Variants in OSMR observed in about 807,000 individuals in gnomAD.
OSMR encodes the protein oncostatin-M-specific receptor subunit beta.
OSMR carries 81 observed loss-of-function variants against 99.9 expected under a neutral mutation model. The observed-to-expected ratio is 0.81, with a 90% CI of 0.68 to 0.97. The LOEUF is 0.97. Among genes scored for constraint, OSMR ranks in the 50% least tolerant of loss-of-function variants. The pLI is 0.00. For missense variants in OSMR, 1,099 were observed against 1,153.4 expected (o/e 0.95, Z 0.68); for synonymous variants, 406 against 410.4 (o/e 0.99, Z 0.13).
At chr5:38,927,706 C>T (rs780361197) in intron 15 of OSMR, among the ~76,000 whole-genome samples, 11 of 152,132 alleles carry the variant, frequency 7.2e-5, no homozygotes, top group Non-Finnish European at 1.6e-4. Context: ...TTCTCCATTG[C>T]CTTAATGATT....
rs573644654 is a variant in OSMR at position 38,923,188 on chromosome 5, T to C, written c.1804T>C (p.Tyr602His). 6.2e-6 allele frequency: 10 copies of C among 1,613,426 alleles called. No individual in the cohort carries two copies. In the South Asian group the frequency reaches 8.8e-5, roughly 14 times the overall value. ...AGGAGTTCGATATGACTTCAGAATT[T>C]ATGGGTTATCTACAAAAAGGATTGC... Reference protein sequence around the residue: ...RPGVRYDFRIYGLSTKRIACL... With the variant: ...RPGVRYDFRIHGLSTKRIACL... Residue 602 changes from tyrosine to histidine, a missense_variant, in exon 13 of 18, where the codon TAT (tyrosine) becomes CAT (histidine). By Grantham distance (83) the Tyr-to-His change is moderately conservative. Transcript: ENST00000274276.
At chr5:38,911,519 T>A (rs1745583747) in intron 9 of OSMR, among the ~76,000 whole-genome samples, 1 of 152,022 alleles carries the variant, frequency 6.6e-6, no homozygotes, top group Non-Finnish European at 1.5e-5. Flanking sequence ...CGGAAACTAT[T>A]CCAAAAAAAC....
intron 16 of OSMR, among the ~76,000 whole-genome samples, chr5:38,932,248 T>C (rs1317323842): frequency 6.6e-6 from 1 of 152,214 alleles, no homozygotes. Context: ...TTCTAAGTGC[T>C]TTATCAATTA....
At chr5:38,903,569 G>C (rs1745029734) in intron 7 of OSMR, among the ~76,000 whole-genome samples, 1 of 152,168 alleles carries the variant, frequency 6.6e-6, no homozygotes, top group African/African-American at 2.4e-5. Flanking sequence ...TCTGAGTTCT[G>C]TTAAAATTCT....
chr5:38,897,453 A>G (rs555840917), intron 7 of OSMR, among the ~76,000 whole-genome samples: 47 of 152,170 alleles, frequency 3.1e-4, no homozygotes, highest in South Asian at 8.3e-4. Context: ...CATAGTAGCC[A>G]CTAATGATCC....
intron 1 of OSMR, among the ~76,000 whole-genome samples, chr5:38,855,855 A>G (rs1188601436): frequency 6.6e-6 from 1 of 152,062 alleles, no homozygotes; most frequent in African/African-American, 2.4e-5. Flanking sequence ...AGTGGCTCCC[A>G]TCTGGCCCAG....
intron 7 of OSMR, among the ~76,000 whole-genome samples, chr5:38,889,770 AAATT>A (rs1202105815): frequency 1.3e-5 from 2 of 152,202 alleles, no homozygotes; most frequent in Admixed American, 1.3e-4. Flanking sequence ...TTTGCTTTGA[AAATT>A]AATTCTTTTT....
rs767030320 is a variant in OSMR, at chr5:38,876,287, G to A, written c.160G>A (p.Val54Ile). 82 of 1,613,130 alleles carry A rather than the reference G, an allele frequency of 5.1e-5. No individual in the cohort carries two copies. Among genetic ancestry groups the A allele is most frequent in the Admixed American group, 1.0e-4 (6 of 59,980 alleles). The change falls in exon 3 of 18, where the codon GTC becomes ATC. Residue 54 changes from valine (V) to isoleucine (I), a missense_variant. Coordinates refer to ENST00000274276, the MANE Select transcript of OSMR (RefSeq NM_003999.3). The part of the protein sequence containing the change: ...TRQSLHLQWT[V>I]HNLPYHQELK... ...TCAGAGTTTGCACTTACAATGGACTGTCCACAACCTTCCTTATCATCAGGA... is the reference window on the plus strand; with the variant it reads ...TCAGAGTTTGCACTTACAATGGACTATCCACAACCTTCCTTATCATCAGGA...
At chr5:38,905,466 CAACA>C (rs1321583924) in intron 9 of OSMR, among the ~76,000 whole-genome samples, 10 of 147,008 alleles carry the variant, frequency 6.8e-5, no homozygotes, top group Admixed American at 1.4e-4. Flanking sequence ...CCAGCCTGGG[CAACA>C]GAGTGAGACT....
Position 38,918,897 on chromosome 5 carries a change from A to G in OSMR, c.1420A>G (p.Asn474Asp), listed in dbSNP as rs780747110. ...KILFYNVVVE[N>D]LDKPSSSELH... ...CCTGTTCTATAATGTAGTTGTAGAA[A>G]ACCTAGACAAACCATCCAGTTCAGA... is the stretch of plus-strand genomic sequence containing the variant. The change falls in exon 11 of 18, where the codon AAC (asparagine) becomes GAC (aspartate). Residue 474 changes from asparagine (N) to aspartate (D), a missense_variant. Transcript: ENST00000274276. The G allele has an allele frequency of 6.2e-7, 1 of 1,613,996 alleles. No individual in the cohort carries two copies. Among genetic ancestry groups the G allele is most frequent in the Non-Finnish European group, 8.5e-7 (1 of 1,179,866 alleles).
In OSMR at chr5:38,903,958, C is replaced by A; in HGVS notation, c.1068C>A (p.His356Gln). Reference sequence around the variant, plus strand: ...ATGCCATCATGACCTGGAAGGTGCACTCCATAAGGAATAATTTCACATATT... The same window carrying A: ...ATGCCATCATGACCTGGAAGGTGCAATCCATAAGGAATAATTTCACATATT... ...ATNAIMTWKVHSIRNNFTYLC... is the reference protein window; with the variant it reads ...ATNAIMTWKVQSIRNNFTYLC... Residue 356 changes from histidine to glutamine, a missense_variant, in exon 8 of 18, where the codon CAC (histidine) becomes CAA (glutamine). By Grantham distance (24) the His-to-Gln change is conservative. Transcript: ENST00000274276. The A allele has an allele frequency of 6.2e-7, 1 of 1,613,934 alleles. No homozygotes were observed. Among genetic ancestry groups the A allele is most frequent in the Non-Finnish European group, 8.5e-7 (1 of 1,179,918 alleles).
chr5:38,860,793 C>T (rs1006459608), intron 1 of OSMR, among the ~76,000 whole-genome samples: 1 of 152,134 alleles, frequency 6.6e-6, no homozygotes, highest in Admixed American at 6.5e-5. Flanking sequence ...CTGCCTCAGC[C>T]CCCTGAGTAG....
intron 9 of OSMR, among the ~76,000 whole-genome samples, chr5:38,912,048 G>T (rs1418488683): frequency 6.6e-6 from 1 of 151,750 alleles, no homozygotes; most frequent in Non-Finnish European, 1.5e-5. Flanking sequence ...ATATAATATT[G>T]GAAGTCCTAG....
At chr5:38,917,507 C>A in intron 9 of OSMR, 39 bp from the exon 10 acceptor site, 1 of 1,606,610 alleles carries the variant, frequency 6.2e-7, no homozygotes, top group South Asian at 1.1e-5. Flanking sequence ...GCTTTACATA[C>A]ATATTGTGAC....
chr5:38,850,242 A>G (rs1740245220), intron 1 of OSMR, among the ~76,000 whole-genome samples: 1 of 152,190 alleles, frequency 6.6e-6, no homozygotes, highest in Admixed American at 6.5e-5. Flanking sequence ...CTTTGTCCAC[A>G]TTTGGGTGTA....
intron 1 of OSMR, chr5:38,941,323 ATG>A (rs869186030): frequency 9.2e-5 from 19 of 207,180 alleles, no homozygotes; most frequent in Non-Finnish European, 1.6e-4. Context: ...AGCTTTATTA[ATG>A]TTTTTTTTAA....
At chr5:38,846,659 G>A (rs533209780) in intron 1 of OSMR, among the ~76,000 whole-genome samples, 1 of 152,272 alleles carries the variant, frequency 6.6e-6, no homozygotes, top group Non-Finnish European at 1.5e-5. Flanking sequence ...TCTCCCACCT[G>A]GTCCCTAGCG....
At chr5:38,932,577 G>T in intron 17 of OSMR, 42 bp downstream of exon 17, 1 of 1,585,916 alleles carries the variant, frequency 6.3e-7, no homozygotes, top group South Asian at 1.1e-5. Context: ...TACCTATTAA[G>T]GACTAACCCA....
chr5:38,854,755 C>T (rs1740711889), intron 1 of OSMR, among the ~76,000 whole-genome samples: 1 of 152,204 alleles, frequency 6.6e-6, no homozygotes, highest in African/African-American at 2.4e-5. Context: ...AGATCCAGGC[C>T]TGCCTGCAAG....
Sources: allele counts gnomAD v4.1 joint callset (sites outside exome capture counted in the v4.1 genomes callset), GRCh38; gene constraint gnomAD v4.1.1; transcripts MANE v1.5; gene names NCBI Gene and HGNC (gene_info 2026-07-23, HGNC 2026-07-21).